Variants in KIZ observed in about 807,000 individuals in gnomAD.
The protein encoded by KIZ is kizuna centrosomal protein.
Under a neutral mutation model 79.6 loss-of-function variants are expected in KIZ, and 68 were observed. The ratio of observed to expected loss-of-function variants is 0.85; its 90% CI spans 0.70 to 1.05. The LOEUF is 1.05. Ranked by LOEUF, KIZ falls within the 50% of genes least tolerant of loss-of-function variation. The probability of loss-of-function intolerance (pLI) is 0.00; values close to 1 mark genes in which losing one functional copy is unlikely to be tolerated. For missense variants in KIZ, 797 were observed against 800.4 expected (o/e 1.00, Z 0.05); for synonymous variants, 280 against 281.8 (o/e 0.99, Z 0.06).
At chr20:21,194,083 T>A (rs2035234662) in intron 6 of KIZ, 1 of 152,210 alleles carries the variant, frequency 6.6e-6, no homozygotes, top group Non-Finnish European at 1.5e-5. Context: ...TGGAGTTGTC[T>A]CCTAAATCCT....
chr20:21,209,158 C>T (rs2123231730), intron 7 of KIZ, among the ~76,000 whole-genome samples: 1 of 152,286 alleles, frequency 6.6e-6, no homozygotes, highest in African/African-American at 2.4e-5. Context: ...TCAATCCCTT[C>T]TCTTGAGTAA....
At position 21,126,199 on chromosome 20, in the gene KIZ, G is replaced by A; in HGVS notation, c.84G>A (p.Arg28=). ...TGGGCCAACTCCAGCACGGGCTGCG[G>A]GACAGGTAAGGGCACTGGGGCGGGG... ...ERLGQLQHGL[R]DSEKKRLDLE... is the part of the protein sequence containing the mutation. Residue 28 remains arginine (R), a synonymous_variant, in exon 1 of 13, where the codon CGG becomes CGA. Transcript: ENST00000619189. The A allele has an allele frequency of 6.8e-7, 1 of 1,478,320 alleles. No individual in the cohort carries two copies. The highest frequency in any genetic ancestry group is 1.3e-5 in the South Asian group (1 of 77,272). 91.6% of individuals were successfully genotyped at this position (1,478,320 alleles called of 1,614,324 possible). A position where few individuals can be genotyped will look rare whatever the true frequency, so the allele number is the denominator to read the frequency against.
At chr20:21,152,775 G>T (rs758446207) in intron 4 of KIZ, among the ~76,000 whole-genome samples, 1 of 152,140 alleles carries the variant, frequency 6.6e-6, no homozygotes, top group South Asian at 2.1e-4. Flanking sequence ...TTGGAATGCC[G>T]AATTTCTCTT....
intron 9 of KIZ, among the ~76,000 whole-genome samples, chr20:21,227,062 CA>C (rs1401009104): frequency 1.3e-5 from 2 of 152,190 alleles, no homozygotes; most frequent in Non-Finnish European, 2.9e-5. Flanking sequence ...TCCAGAGTAT[CA>C]AAATGGTCCC....
chr20:21,174,203 C>T (rs1432023667), intron 6 of KIZ, among the ~76,000 whole-genome samples: 1 of 152,222 alleles, frequency 6.6e-6, no homozygotes, highest in Non-Finnish European at 1.5e-5. Context: ...ACCCAAATCA[C>T]AACCAAAATG....
At chr20:21,141,349 C>T (rs115859517) in intron 3 of KIZ, among the ~76,000 whole-genome samples, 1,938 of 152,298 alleles carry the variant, frequency 0.013, 32 homozygotes, top group African/African-American at 0.045. Flanking sequence ...CATAGTCAGC[C>T]TGGCGCCAAA....
At chr20:21,142,219 T>C (rs2032590890) in intron 3 of KIZ, among the ~76,000 whole-genome samples, 1 of 152,134 alleles carries the variant, frequency 6.6e-6, no homozygotes, top group Non-Finnish European at 1.5e-5. Context: ...TTAGAAGGCC[T>C]TTTTCCCCCT....
At chr20:21,235,112 G>T (rs2036961619) in intron 11 of KIZ, among the ~76,000 whole-genome samples, 1 of 152,210 alleles carries the variant, frequency 6.6e-6, no homozygotes, top group Non-Finnish European at 1.5e-5. Context: ...CAGAGAAAGG[G>T]ATTGGGTGCT....
At chr20:21,216,647 A>G (rs2123317650) in intron 9 of KIZ, among the ~76,000 whole-genome samples, 1 of 152,294 alleles carries the variant, frequency 6.6e-6, no homozygotes, top group African/African-American at 2.4e-5. Flanking sequence ...TTTTCTGCAA[A>G]CTCTGGTATG....
At chr20:21,142,877 G>A (rs1229348080) in intron 3 of KIZ, among the ~76,000 whole-genome samples, 1 of 152,016 alleles carries the variant, frequency 6.6e-6, no homozygotes, top group African/African-American at 2.4e-5. Context: ...GCCTATAAGG[G>A]GCTAATATTT....
At chr20:21,224,450 A>G (rs965520926) in intron 9 of KIZ, among the ~76,000 whole-genome samples, 5 of 152,244 alleles carry the variant, frequency 3.3e-5, no homozygotes, top group Non-Finnish European at 7.3e-5. Flanking sequence ...AAAAGCACTT[A>G]GGTGTAGAAA....
chr20:21,179,601 C>T (rs563046295), intron 6 of KIZ, among the ~76,000 whole-genome samples: 1 of 151,646 alleles, frequency 6.6e-6, no homozygotes. Flanking sequence ...TTATTTCCTT[C>T]TATCTACTAA....
chr20:21,127,131 A>G (rs959160509), intron 1 of KIZ, among the ~76,000 whole-genome samples: 10 of 152,262 alleles, frequency 6.6e-5, no homozygotes, highest in African/African-American at 2.4e-4. Context: ...AATTACATTT[A>G]TCTTACGCTA....
intron 10 of KIZ, among the ~76,000 whole-genome samples, chr20:21,231,582 T>C (rs1020515058): frequency 6.6e-6 from 1 of 152,216 alleles, no homozygotes; most frequent in Non-Finnish European, 1.5e-5. Flanking sequence ...ATGGAAGTGC[T>C]CCTGCCTATG....
chr20:21,178,170 TA>T (rs2034513064), intron 6 of KIZ, among the ~76,000 whole-genome samples: 1 of 152,100 alleles, frequency 6.6e-6, no homozygotes, highest in Non-Finnish European at 1.5e-5. Flanking sequence ...GCTTTGGTAG[TA>T]TGGACACTTT....
At chr20:21,167,004 GC>G (rs1314593841) in intron 6 of KIZ, among the ~76,000 whole-genome samples, 3 of 152,190 alleles carry the variant, frequency 2.0e-5, no homozygotes, top group African/African-American at 7.2e-5. Flanking sequence ...GCCTCTAGGG[GC>G]TAAGGGCCTC....
rs1019624247 is a variant in KIZ at position 21,182,063 on chromosome 20, T to TTA, written c.1352+18906_1352+18907dup. On this transcript the variant is annotated intron_variant, in intron 6 of 12. Transcript: ENST00000619189. ...GAGCAAAGTGGCAGCAGCAGTGCTA[T>TTA]TATGGACTAAATGTTTGTGTCCCTC... Among the ~76,000 whole-genome samples, 6 of 152,200 alleles carry TTA rather than the reference T, an allele frequency of 3.9e-5. 1 individual carries two copies. Among genetic ancestry groups the TTA allele is most frequent in the Non-Finnish European group, 7.3e-5 (5 of 68,034 alleles).
intron 6 of KIZ, among the ~76,000 whole-genome samples, chr20:21,181,733 A>G (rs2034663842): frequency 1.3e-5 from 2 of 152,202 alleles, no homozygotes; most frequent in South Asian, 4.1e-4. Context: ...TGCTGGGATT[A>G]CAGATGTGAG....
chr20:21,168,742 C>T (rs935195708), intron 6 of KIZ, among the ~76,000 whole-genome samples: 26 of 152,160 alleles, frequency 1.7e-4, no homozygotes, highest in Non-Finnish European at 2.5e-4. Context: ...GAGATATAGA[C>T]CAATGGAACA....
Sources: allele counts gnomAD v4.1 joint callset (sites outside exome capture counted in the v4.1 genomes callset), GRCh38; gene constraint gnomAD v4.1.1; transcripts MANE v1.5; gene names NCBI Gene and HGNC (gene_info 2026-07-23, HGNC 2026-07-21).